The following OR2T12 variants were observed in gnomAD, a reference collection of about 807,000 sequenced individuals.
OR2T12 encodes the protein olfactory receptor family 2 subfamily T member 12.
For synonymous variants in OR2T12, 127 were observed against 160.5 expected (o/e 0.79, Z 1.58); for missense variants, 335 against 404.3 (o/e 0.83, Z 1.47).
chr1:248,297,345 T>A lies in OR2T12; in HGVS notation c.-8-1759A>T, dbSNP rs560949666. Among the ~76,000 whole-genome samples, 557 of 151,976 alleles carry A rather than the reference T, an allele frequency of 3.7e-3. 1 individual carries two copies. The highest frequency in any genetic ancestry group is 9.6e-3 in the Admixed American group (146 of 15,254). The stretch of plus-strand genomic sequence containing the variant: ...TTGACTTGGTGATGTGGGCTCTTTT[T>A]TGGTTCCATATGAACTTTAAAGTAG... On this transcript the variant is annotated intron_variant, in intron 2 of 2. Coordinates refer to ENST00000641276, the MANE Select transcript of OR2T12 (RefSeq NM_001004692.2).
rs994202075 is a variant in OR2T12, at chr1:248,291,835, G to T, written c.*2781C>A. Reference sequence around the variant, plus strand: ...CTGACAAAAACAAGCAATGGGGAAAGGATTCCCTATTTAATAAATGATGTT... The same window carrying T: ...CTGACAAAAACAAGCAATGGGGAAATGATTCCCTATTTAATAAATGATGTT... On this transcript the variant is annotated 3_prime_UTR_variant, in exon 3 of 3. Coordinates refer to ENST00000641276, the MANE Select transcript of OR2T12 (RefSeq NM_001004692.2). 1 of 152,070 alleles carries T rather than the reference G, an allele frequency of 6.6e-6. No homozygotes were observed. Among genetic ancestry groups the T allele is most frequent in the African/African-American group, 2.4e-5 (1 of 41,394 alleles). The allele number at this position is 152,070 out of a possible 1,614,324, so 9.4% of individuals were successfully genotyped here.
At chr1:248,303,210 G>T (rs2103040558) in intron 1 of OR2T12, 136 bp downstream of exon 1, 1 of 152,170 alleles carries the variant, frequency 6.6e-6, no homozygotes, top group Non-Finnish European at 1.5e-5. Context: ...AAGTCATATT[G>T]TACAGATAAA....
At position 248,293,418 on chromosome 1, in the gene OR2T12, G is replaced by C. The variant is rs1417304016; in HGVS notation, c.*1198C>G. The C allele has an allele frequency of 3.3e-5, 5 of 152,076 alleles. No individual in the cohort carries two copies. Among genetic ancestry groups the C allele is most frequent in the African/African-American group, 1.2e-4 (5 of 41,420 alleles). 9.4% of individuals were successfully genotyped at this position (152,076 alleles called of 1,614,324 possible). A position where few individuals can be genotyped will look rare whatever the true frequency, so the allele number is the denominator to read the frequency against. On this transcript the variant is annotated 3_prime_UTR_variant, in exon 3 of 3. Transcript: ENST00000641276. ...GTGTGTTTTACATATGGGAAATATA[G>C]CCTTTATCATAAAACTCTCTAAGAC...
chr1:248,297,744 T>G (rs1471160025), intron 2 of OR2T12, among the ~76,000 whole-genome samples: 4 of 149,504 alleles, frequency 2.7e-5, no homozygotes, highest in Non-Finnish European at 4.5e-5. Flanking sequence ...CTTAAGGAGA[T>G]TTTGGGCTGA....
chr1:248,302,417 G>A (rs1401173915), intron 1 of OR2T12, among the ~76,000 whole-genome samples: 4 of 152,092 alleles, frequency 2.6e-5, no homozygotes. Flanking sequence ...CAGCAACACT[G>A]CAATAATGAT....
chr1:248,296,263 A>G (rs1464812129), intron 2 of OR2T12, among the ~76,000 whole-genome samples: 1 of 152,174 alleles, frequency 6.6e-6, no homozygotes, highest in Non-Finnish European at 1.5e-5. Flanking sequence ...ATTGTTGGAC[A>G]TTTGGGTTGG....
chr1:248,293,646 GTATAAGGTTGTTGAGTCTTACTCA>G lies in OR2T12; in HGVS notation c.*946_*969del, dbSNP rs1659667407. ...GGGAGAAGTAAGGTAACCCAATAAT[GTATAAGGTTGTTGAGTCTTACTCA>G]GCTTTGATAACTCATTGTTAGTAAC... On this transcript the variant is annotated 3_prime_UTR_variant, in exon 3 of 3. Coordinates refer to ENST00000641276, the MANE Select transcript of OR2T12 (RefSeq NM_001004692.2). 6.6e-6 allele frequency: 1 copy of G among 152,086 alleles called. No homozygotes were observed. The highest frequency in any genetic ancestry group is 1.5e-5 in the Non-Finnish European group (1 of 68,014). 9.4% of individuals were successfully genotyped at this position (152,086 alleles called of 1,614,324 possible).
chr1:248,294,658 T>A lies in OR2T12; in HGVS notation c.921A>T (p.Val307=). 1.9e-6 allele frequency: 3 copies of A among 1,614,178 alleles called. No homozygotes were observed. The highest frequency in any genetic ancestry group is 2.5e-6 in the Non-Finnish European group (3 of 1,180,032). The change falls in exon 3 of 3, where the codon GTA becomes GTT. Residue 307 remains valine, a synonymous_variant. Transcript: ENST00000641276. ...EALKRWLGTC[V]NLKHQQNEAH... ...CCTCATTTTGCTGGTGTTTTAGGTT[T>A]ACACACGTCCCCAGCCACCGTTTCA...
chr1:248,298,740 C>A (rs148112695), intron 2 of OR2T12, among the ~76,000 whole-genome samples: 1,791 of 151,104 alleles, frequency 0.012, 24 homozygotes, highest in African/African-American at 0.029. Flanking sequence ...ATTCTTCTCT[C>A]TTTTTTTCTT....
At position 248,294,785 on chromosome 1, in the gene OR2T12, G is replaced by A; in HGVS notation, c.794C>T (p.Ser265Phe). Reference sequence around the variant, plus strand: ...TGACACAACCTTATCGTGGTTAGTGGACCTGTGGGATTTGGGTCTCATATA... The same window carrying A: ...TGACACAACCTTATCGTGGTTAGTGAACCTGTGGGATTTGGGTCTCATATA... ...FTYMRPKSHR[S>F]TNHDKVVSAF... is the part of the protein sequence containing the mutation. Residue 265 changes from serine to phenylalanine, a missense_variant, in exon 3 of 3, where the codon TCC becomes TTC. By Grantham distance (155) the Ser-to-Phe change is radical. Coordinates refer to ENST00000641276, the MANE Select transcript of OR2T12 (RefSeq NM_001004692.2). The A allele has an allele frequency of 6.2e-7, 1 of 1,613,930 alleles. No homozygotes were observed. The highest frequency in any genetic ancestry group is 8.5e-7 in the Non-Finnish European group (1 of 1,179,892).
intron 2 of OR2T12, among the ~76,000 whole-genome samples, chr1:248,301,053 T>A (rs1266136690): frequency 6.6e-6 from 1 of 152,154 alleles, no homozygotes; most frequent in African/African-American, 2.4e-5. Context: ...GCTGAATTTA[T>A]ATAAATGCAC....
At chr1:248,297,482 A>G (rs945210272) in intron 2 of OR2T12, among the ~76,000 whole-genome samples, 14 of 152,042 alleles carry the variant, frequency 9.2e-5, no homozygotes. Context: ...CTTCCTACCC[A>G]TGAGCATGGA....
In OR2T12 at chr1:248,296,385, G is replaced by A. The variant is rs185515951; in HGVS notation, c.-8-799C>T. 8.4e-3 allele frequency among the ~76,000 whole-genome samples: 1,280 copies of A among 152,248 alleles called. 14 individuals carry two copies. Among genetic ancestry groups the A allele is most frequent in the African/African-American group, 0.029 (1,213 of 41,522 alleles). ...GTATATACCCAGTAATGGGATGGCT[G>A]GGTCAAATGGTATTTCTAGTTCTAG... On this transcript the variant is annotated intron_variant, in intron 2 of 2. Coordinates refer to ENST00000641276, the MANE Select transcript of OR2T12 (RefSeq NM_001004692.2).
chr1:248,296,797 T>G (rs1175300856), intron 2 of OR2T12, among the ~76,000 whole-genome samples: 1 of 152,166 alleles, frequency 6.6e-6, no homozygotes, highest in Non-Finnish European at 1.5e-5. Context: ...TCTCCCATTT[T>G]GTGGGTTGCC....
chr1:248,296,022 A>T (rs1273658538), intron 2 of OR2T12, among the ~76,000 whole-genome samples: 1 of 99,790 alleles, frequency 1.0e-5, no homozygotes, highest in Non-Finnish European at 2.0e-5. Context: ...ACCCCACAAC[A>T]GTCCCGAGAG....
chr1:248,299,474 A>T (rs1187331803), intron 2 of OR2T12, among the ~76,000 whole-genome samples: 1 of 152,156 alleles, frequency 6.6e-6, no homozygotes, highest in Admixed American at 6.5e-5. Flanking sequence ...TGAATTCAAC[A>T]AGAAGAGCTA....
At chr1:248,298,487 C>G (rs558540465) in intron 2 of OR2T12, among the ~76,000 whole-genome samples, 2 of 151,968 alleles carry the variant, frequency 1.3e-5, no homozygotes, top group African/African-American at 2.4e-5. Context: ...GTCCTGGACT[C>G]TTTTTGGTGG....
At position 248,293,019 on chromosome 1, in the gene OR2T12, C is replaced by T. The variant is rs982993376; in HGVS notation, c.*1597G>A. Reference sequence around the variant, plus strand: ...AATTTGTGCAGTTCTGTTCCTTTCTCACTCTAACACTGGGTAAGGAGATTA... The same window carrying T: ...AATTTGTGCAGTTCTGTTCCTTTCTTACTCTAACACTGGGTAAGGAGATTA... On this transcript the variant is annotated 3_prime_UTR_variant, in exon 3 of 3. Coordinates refer to ENST00000641276, the MANE Select transcript of OR2T12 (RefSeq NM_001004692.2). The T allele has an allele frequency of 6.6e-6, 1 of 152,092 alleles. No individual in the cohort carries two copies. The highest frequency in any genetic ancestry group is 6.6e-5 in the Admixed American group (1 of 15,260). 9.4% of individuals were successfully genotyped at this position (152,092 alleles called of 1,614,324 possible).
At chr1:248,298,091 T>C (rs1659761364) in intron 2 of OR2T12, among the ~76,000 whole-genome samples, 1 of 152,152 alleles carries the variant, frequency 6.6e-6, no homozygotes, top group Non-Finnish European at 1.5e-5. Flanking sequence ...AGGCCTTTTC[T>C]GCATCTATTG....
Sources: allele counts gnomAD v4.1 joint callset (sites outside exome capture counted in the v4.1 genomes callset), GRCh38; gene constraint gnomAD v4.1.1; transcripts MANE v1.5; gene names NCBI Gene and HGNC (gene_info 2026-07-23, HGNC 2026-07-21).